Variants in SLX4IP observed in about 807,000 individuals in gnomAD.
The protein encoded by SLX4IP is SLX4 interacting protein, also known as protein SLX4IP.
In SLX4IP, 34 loss-of-function variants were observed where a neutral mutation model predicts 32.9. That is an observed-to-expected ratio of 1.03 (90% CI 0.79 to 1.38). SLX4IP has a LOEUF of 1.38. SLX4IP is among the 40% of genes most tolerant of loss of function. The probability of loss-of-function intolerance (pLI) is 0.00; values close to 1 mark genes in which losing one functional copy is unlikely to be tolerated. For synonymous variants in SLX4IP, 172 were observed against 171.7 expected (o/e 1.00, Z -0.01); for missense variants, 444 against 479.0 (o/e 0.93, Z 0.68).
intron 2 of SLX4IP, among the ~76,000 whole-genome samples, chr20:10,504,959 A>C (rs1229588553): frequency 6.9e-6 from 1 of 145,286 alleles, no homozygotes; most frequent in Non-Finnish European, 1.5e-5. Flanking sequence ...AATGCCAGGA[A>C]AAAAAAAAAT....
intron 6 of SLX4IP, among the ~76,000 whole-genome samples, chr20:10,620,314 A>G (rs1313407129): frequency 1.3e-5 from 2 of 152,214 alleles, no homozygotes; most frequent in Admixed American, 6.5e-5. Flanking sequence ...AAAGCATGAA[A>G]TGGGTTAATG....
At chr20:10,470,322 A>G (rs1202383365) in intron 2 of SLX4IP, among the ~76,000 whole-genome samples, 1 of 152,222 alleles carries the variant, frequency 6.6e-6, no homozygotes, top group Admixed American at 6.5e-5. Flanking sequence ...AGAGAATTCC[A>G]TGGAAATGAC....
chr20:10,559,144 A>G (rs1244788526), intron 3 of SLX4IP, among the ~76,000 whole-genome samples: 1 of 151,900 alleles, frequency 6.6e-6, no homozygotes, highest in Admixed American at 6.6e-5. Context: ...AAAAAAACCT[A>G]TGAGGCGGCA....
rs201507537 is a variant in SLX4IP, at chr20:10,452,674, A to ATATATATATATAT, written c.-29-5502_-29-5501insTATATATATATAT. Among the ~76,000 whole-genome samples the ATATATATATATAT allele has an allele frequency of 3.5e-4, 33 of 93,766 alleles. 1 individual carries two copies. The highest frequency in any genetic ancestry group is 1.4e-3 in the African/African-American group (32 of 23,300). 61.5% of individuals were successfully genotyped at this position (93,766 alleles called of 152,430 possible). A position where few individuals can be genotyped will look rare whatever the true frequency, so the allele number is the denominator to read the frequency against. On this transcript the variant is annotated intron_variant, in intron 1 of 7. Coordinates refer to ENST00000334534, the MANE Select transcript of SLX4IP (RefSeq NM_001009608.3). ...AGAGCGAAACTGTCTCAAAAAAAAA[A>ATATATATATATAT]AAAAAAATATATATATATATATGTA...
intron 1 of SLX4IP, among the ~76,000 whole-genome samples, chr20:10,443,589 G>T (rs963739841): frequency 6.6e-6 from 1 of 152,206 alleles, no homozygotes; most frequent in Non-Finnish European, 1.5e-5. Context: ...GGAGCTGCAT[G>T]TTCAAGGACA....
At chr20:10,476,214 C>T (rs2065474695) in intron 2 of SLX4IP, among the ~76,000 whole-genome samples, 8 of 152,082 alleles carry the variant, frequency 5.3e-5, no homozygotes, top group Admixed American at 5.2e-4. Context: ...AGAAAAGTGT[C>T]AAAGAGGATG....
intron 4 of SLX4IP, among the ~76,000 whole-genome samples, chr20:10,586,891 T>G (rs2066652534): frequency 6.6e-6 from 1 of 152,102 alleles, no homozygotes; most frequent in Admixed American, 6.5e-5. Flanking sequence ...TTAAAGAATT[T>G]AAACCACTGG....
intron 5 of SLX4IP, 118 bp downstream of exon 5, chr20:10,598,870 G>A (rs528648697): frequency 3.0e-6 from 3 of 994,166 alleles, no homozygotes; most frequent in African/African-American, 1.6e-5. Flanking sequence ...TTCATGTCTT[G>A]AGTGTGTCCG....
intron 1 of SLX4IP, among the ~76,000 whole-genome samples, chr20:10,447,006 A>C (rs1477198863): frequency 6.6e-6 from 1 of 152,198 alleles, no homozygotes; most frequent in Non-Finnish European, 1.5e-5. Flanking sequence ...TTTTGAGTTC[A>C]TAAAAATATC....
Position 10,480,209 on chromosome 20 carries a change from AC to A in SLX4IP, c.27+21979del, listed in dbSNP as rs200008529. Among the ~76,000 whole-genome samples the A allele has an allele frequency of 4.6e-3, 696 of 152,282 alleles. 4 individuals carry two copies. Among genetic ancestry groups the A allele is most frequent in the African/African-American group, 0.016 (660 of 41,544 alleles). ...GGAGTCTGAGACCAGCCTGGGCAAC[AC>A]GGTGAAATCCTGTCTCTACAAAAAA... On this transcript the variant is annotated intron_variant, in intron 2 of 7. Coordinates refer to ENST00000334534, the MANE Select transcript of SLX4IP (RefSeq NM_001009608.3).
At chr20:10,568,778 A>G (rs2066425308) in intron 4 of SLX4IP, among the ~76,000 whole-genome samples, 1 of 152,228 alleles carries the variant, frequency 6.6e-6, no homozygotes, top group African/African-American at 2.4e-5. Flanking sequence ...TGTCAGTTGC[A>G]GAATAAACCT....
chr20:10,458,905 A>G (rs2065311814), intron 2 of SLX4IP, among the ~76,000 whole-genome samples: 1 of 152,222 alleles, frequency 6.6e-6, no homozygotes, highest in Non-Finnish European at 1.5e-5. Context: ...GTCAAATGGC[A>G]TATCTGCCTC....
At chr20:10,533,828 CA>C (rs2066012940) in intron 2 of SLX4IP, among the ~76,000 whole-genome samples, 1 of 150,650 alleles carries the variant, frequency 6.6e-6, no homozygotes, top group Admixed American at 6.6e-5. Flanking sequence ...TCATGTTACC[CA>C]GGCTGGTCTT....
chr20:10,618,445 G>T (rs1373723302), intron 6 of SLX4IP, among the ~76,000 whole-genome samples: 1 of 152,178 alleles, frequency 6.6e-6, no homozygotes, highest in African/African-American at 2.4e-5. Context: ...TGAGGCAGAT[G>T]GCTGGAAATG....
Position 10,621,426 on chromosome 20 carries a change from G to A in SLX4IP, c.506+12G>A, listed in dbSNP as rs779095346. On this transcript the variant is annotated intron_variant, in intron 7 of 7. Transcript: ENST00000334534. ...GCTCTGAAAGAAATGTAGGTGCAAT[G>A]TGTTTCCTTTTTCTCATTTTTGCCT... 8.1e-6 allele frequency: 13 copies of A among 1,612,602 alleles called. No individual in the cohort carries two copies. The highest frequency in any genetic ancestry group is 4.5e-5 in the East Asian group (2 of 44,866).
chr20:10,523,987 C>CAGGG (rs1432683503), intron 2 of SLX4IP, among the ~76,000 whole-genome samples: 1 of 152,216 alleles, frequency 6.6e-6, no homozygotes, highest in Non-Finnish European at 1.5e-5. Flanking sequence ...TCCTGTCTGA[C>CAGGG]AGGGACCTGC....
intron 1 of SLX4IP, among the ~76,000 whole-genome samples, chr20:10,436,142 T>C (rs1452789340): frequency 6.6e-6 from 1 of 152,200 alleles, no homozygotes; most frequent in Non-Finnish European, 1.5e-5. Context: ...TGTAAGCCAG[T>C]TGGCTAGCGT....
chr20:10,472,376 G>T (rs561685621), intron 2 of SLX4IP, among the ~76,000 whole-genome samples: 1 of 151,846 alleles, frequency 6.6e-6, no homozygotes, highest in Non-Finnish European at 1.5e-5. Flanking sequence ...GACTACAGTC[G>T]CCTGCCACCA....
At chr20:10,584,664 A>G (rs1471986331) in intron 4 of SLX4IP, among the ~76,000 whole-genome samples, 1 of 152,222 alleles carries the variant, frequency 6.6e-6, no homozygotes, top group Non-Finnish European at 1.5e-5. Context: ...AAAAGACCTC[A>G]GCCTTGGAGA....
Sources: gnomAD v4.1 joint callset for allele counts (sites outside exome capture counted in the v4.1 genomes callset) on GRCh38, gnomAD v4.1.1 for gene constraint, MANE v1.5 for transcripts, NCBI Gene and HGNC (gene_info 2026-07-23, HGNC 2026-07-21) for gene names.